Variants in WBP1L observed in about 807,000 individuals in gnomAD.
WBP1L encodes the protein WW domain binding protein 1 like, also known as WW domain binding protein 1-like.
In WBP1L, 17 loss-of-function variants were observed where a neutral mutation model predicts 33.7. The ratio of observed to expected loss-of-function variants is 0.50; its 90% CI spans 0.34 to 0.76. WBP1L has a LOEUF of 0.76. Ranked by LOEUF, WBP1L falls within the 30% of genes least tolerant of loss-of-function variation. WBP1L has a pLI of 0.01. For missense variants in WBP1L, 389 were observed against 469.4 expected, an observed-to-expected ratio of 0.83 and a Z score of 1.58; for synonymous variants, 173 against 190.8, an observed-to-expected ratio of 0.91 and a Z score of 0.77.
At position 102,812,887 on chromosome 10, in the gene WBP1L, G is replaced by T; in HGVS notation, c.648G>T (p.Glu216Asp). The change falls in exon 4 of 4, where the codon GAG becomes GAT. Residue 216 changes from glutamate (E) to aspartate (D), a missense_variant. Glu to Asp is a conservative substitution (Grantham distance 45). Transcript: ENST00000448841. ...CAGCCACCAAAGCCCCAGGGATGGA[G>T]CCCAGTGGCTCTGTGGCTGGCCTGG... ...DRAATKAPGM[E>D]PSGSVAGLGE... 2.5e-6 allele frequency: 4 copies of T among 1,576,372 alleles called. No individual in the cohort carries two copies. The highest frequency in any genetic ancestry group is 3.5e-6 in the Non-Finnish European group (4 of 1,159,050).
chr10:102,754,698 T>C (rs368404943), intron 1 of WBP1L, among the ~76,000 whole-genome samples: 46 of 152,050 alleles, frequency 3.0e-4, no homozygotes, highest in African/African-American at 1.0e-3. Context: ...AGGCCCCTTT[T>C]TACATTTTTT....
intron 1 of WBP1L, among the ~76,000 whole-genome samples, chr10:102,782,961 T>A (rs1279546270): frequency 6.6e-6 from 1 of 152,190 alleles, no homozygotes; most frequent in Non-Finnish European, 1.5e-5. Flanking sequence ...CTTAAGGATC[T>A]CCCAACTGTG....
intron 1 of WBP1L, among the ~76,000 whole-genome samples, chr10:102,775,741 A>T (rs1244104981): frequency 1.3e-5 from 2 of 152,066 alleles, no homozygotes; most frequent in East Asian, 3.9e-4. Flanking sequence ...GCCAGGCTTC[A>T]TGTCCTATTA....
In WBP1L at chr10:102,771,133, C is replaced by T. The variant is rs570316896; in HGVS notation, c.91-26860C>T. On this transcript the variant is annotated intron_variant, in intron 1 of 3. Transcript: ENST00000448841. ...AAATGATTATCTCTCCCCTACCCCA[C>T]CCCAGAATTTAAAGATTATAAATAT... Among the ~76,000 whole-genome samples the T allele has an allele frequency of 1.6e-4, 24 of 152,284 alleles. No individual in the cohort carries two copies. The South Asian group carries it at 4.6e-3, about 29-fold the overall frequency.
chr10:102,808,249 A>T lies in WBP1L; in HGVS notation c.194-1644A>T, dbSNP rs1253773409. The stretch of plus-strand genomic sequence containing the variant: ...GAAAATAATCAAAAGAAGAAAATTT[A>T]AATTTCTTATTCTGTCATTTAAAGA... On this transcript the variant is annotated intron_variant, in intron 2 of 3. Coordinates refer to ENST00000448841, the MANE Select transcript of WBP1L (RefSeq NM_001083913.2). 2.4e-4 allele frequency among the ~76,000 whole-genome samples: 36 copies of T among 152,206 alleles called. 1 individual carries two copies. The highest frequency in any genetic ancestry group is 2.4e-3 in the Admixed American group (36 of 15,278).
Position 102,812,833 on chromosome 10 carries a change from T to C in WBP1L, c.594T>C (p.Pro198=). The C allele has an allele frequency of 6.3e-7, 1 of 1,587,430 alleles. No homozygotes were observed. The highest frequency in any genetic ancestry group is 8.6e-7 in the Non-Finnish European group (1 of 1,165,934). ...CAAGACCCCCAAGCATCGCTGACCCTGATCCCTCTGACCTACCAGTTGACC... is the reference window on the plus strand; with the variant it reads ...CAAGACCCCCAAGCATCGCTGACCCCGATCCCTCTGACCTACCAGTTGACC... ...SSTRPPSIAD[P]DPSDLPVDRA... The change falls in exon 4 of 4, where the codon CCT becomes CCC. Residue 198 remains proline, a synonymous_variant. Coordinates refer to ENST00000448841, the MANE Select transcript of WBP1L (RefSeq NM_001083913.2).
chr10:102,782,857 CTG>C (rs2134047200), intron 1 of WBP1L, among the ~76,000 whole-genome samples: 1 of 152,286 alleles, frequency 6.6e-6, no homozygotes, highest in South Asian at 2.1e-4. Context: ...TTTGCCGGGA[CTG>C]TGTTGCACAT....
chr10:102,805,772 C>T (rs943508963), intron 2 of WBP1L, among the ~76,000 whole-genome samples: 16 of 151,434 alleles, frequency 1.1e-4, no homozygotes, highest in Non-Finnish European at 8.8e-5. Flanking sequence ...GTGGTGCATG[C>T]CCGTAGTCCC....
intron 1 of WBP1L, among the ~76,000 whole-genome samples, chr10:102,782,474 G>T (rs1248005571): frequency 6.6e-6 from 1 of 151,494 alleles, no homozygotes; most frequent in African/African-American, 2.4e-5. Flanking sequence ...ATACTTTGGG[G>T]CTATTTAAAA....
chr10:102,771,555 C>T (rs1843186872), intron 1 of WBP1L, among the ~76,000 whole-genome samples: 1 of 140,336 alleles, frequency 7.1e-6, no homozygotes, highest in Admixed American at 7.1e-5. Flanking sequence ...TGAGGCCAGA[C>T]ATGGTGGCTC....
At chr10:102,812,352 C>G (rs1317424478) in intron 3 of WBP1L, among the ~76,000 whole-genome samples, 3 of 152,322 alleles carry the variant, frequency 2.0e-5, no homozygotes, top group East Asian at 3.9e-4. Flanking sequence ...TCCTTGCCTA[C>G]GAAGCAGCTT....
intron 3 of WBP1L, among the ~76,000 whole-genome samples, chr10:102,810,724 AC>A: frequency 6.6e-6 from 1 of 150,420 alleles, no homozygotes; most frequent in African/African-American, 2.4e-5. Context: ...GCACCACCAC[AC>A]CCAGCTAATT....
chr10:102,798,765 A>G (rs1046049281), intron 2 of WBP1L, among the ~76,000 whole-genome samples: 1 of 152,192 alleles, frequency 6.6e-6, no homozygotes, highest in African/African-American at 2.4e-5. Context: ...CCAAGCTACT[A>G]TGAATGCCAG....
intron 1 of WBP1L, among the ~76,000 whole-genome samples, chr10:102,744,722 A>G (rs953737680): frequency 1.3e-5 from 2 of 152,194 alleles, no homozygotes; most frequent in African/African-American, 2.4e-5. Flanking sequence ...GGGATGAAAC[A>G]GAGTGGAACC....
Position 102,812,735 on chromosome 10 carries a change from C to G in WBP1L, c.496C>G (p.Pro166Ala). ...GTGTGGCCCTGCAGGTGGCAGTCCC[C>G]CGGGCATCGATCCCACCAGGGGATC... is the stretch of plus-strand genomic sequence containing the variant. ...PQCGPAGGSP[P>A]GIDPTRGSQG... Residue 166 changes from proline (P) to alanine (A), a missense_variant, in exon 4 of 4, where the codon CCG becomes GCG. Pro to Ala is a conservative substitution (Grantham distance 27). Coordinates refer to ENST00000448841, the MANE Select transcript of WBP1L (RefSeq NM_001083913.2). The G allele has an allele frequency of 6.2e-7, 1 of 1,613,952 alleles. No homozygotes were observed. Among genetic ancestry groups the G allele is most frequent in the Non-Finnish European group, 8.5e-7 (1 of 1,179,960 alleles).
At chr10:102,800,820 C>T (rs1326958439) in intron 2 of WBP1L, among the ~76,000 whole-genome samples, 1 of 152,154 alleles carries the variant, frequency 6.6e-6, no homozygotes, top group Non-Finnish European at 1.5e-5. Context: ...CTCAACTTTG[C>T]CTGAAGTGTG....
At position 102,812,970 on chromosome 10, in the gene WBP1L, T is replaced by C; in HGVS notation, c.731T>C (p.Leu244Pro). The C allele has an allele frequency of 6.2e-7, 1 of 1,610,664 alleles. No individual in the cohort carries two copies. Among genetic ancestry groups the C allele is most frequent in the East Asian group, 2.2e-5 (1 of 44,806 alleles). The change falls in exon 4 of 4, where the codon CTG becomes CCG. Residue 244 changes from leucine to proline, a missense_variant. Coordinates refer to ENST00000448841, the MANE Select transcript of WBP1L (RefSeq NM_001083913.2). ...GATGCAGAATGTAGGGAGGAGCTGCTGAAAGATGACAGCTCTGAACACGGC... is the reference window on the plus strand; with the variant it reads ...GATGCAGAATGTAGGGAGGAGCTGCCGAAAGATGACAGCTCTGAACACGGC... ...DKDAECREEL[L>P]KDDSSEHGAP...
rs1166413847 is a variant in WBP1L, at chr10:102,814,288, C to T, written c.*957C>T. On this transcript the variant is annotated 3_prime_UTR_variant, in exon 4 of 4. Coordinates refer to ENST00000448841, the MANE Select transcript of WBP1L (RefSeq NM_001083913.2). ...AGTGGATAGAGGTGCAGCTCTCTGC[C>T]TCTCTGCCCTTTGGTCTGTGTTCAC... The T allele has an allele frequency of 6.6e-6, 1 of 152,434 alleles. No individual in the cohort carries two copies. Among genetic ancestry groups the T allele is most frequent in the Non-Finnish European group, 1.5e-5 (1 of 68,066 alleles). 9.4% of individuals were successfully genotyped at this position (152,434 alleles called of 1,614,324 possible).
At chr10:102,794,051 G>A (rs965556470) in intron 1 of WBP1L, among the ~76,000 whole-genome samples, 1 of 152,114 alleles carries the variant, frequency 6.6e-6, no homozygotes, top group East Asian at 1.9e-4. Context: ...AATTATAGGC[G>A]TGACCCACCA....
Sources: allele counts gnomAD v4.1 joint callset (sites outside exome capture counted in the v4.1 genomes callset), GRCh38; gene constraint gnomAD v4.1.1; transcripts MANE v1.5; gene names NCBI Gene and HGNC (gene_info 2026-07-23, HGNC 2026-07-21).